INTS2: variants seen among roughly 807,000 people sequenced by gnomAD.
INTS2 encodes the protein integrator complex subunit 2, also known as KIAA1287.
In INTS2, 57 loss-of-function variants were observed where a neutral mutation model predicts 139.6. The ratio of observed to expected loss-of-function variants is 0.41; its 90% CI spans 0.33 to 0.51. The LOEUF (loss-of-function observed/expected upper bound fraction) is 0.51, where lower values mean the gene tolerates loss of function less well. INTS2 is among the 20% of genes least tolerant of loss of function. The pLI is 0.28. For synonymous variants in INTS2, 473 were observed against 493.4 expected (o/e 0.96, Z 0.55); for missense variants, 1,196 against 1,436.7 (o/e 0.83, Z 2.71).
chr17:61,899,860 C>T (rs1039015108), intron 9 of INTS2, among the ~76,000 whole-genome samples: 3 of 151,304 alleles, frequency 2.0e-5, no homozygotes, highest in Non-Finnish European at 4.4e-5. Context: ...TGCAGCGAGC[C>T]CTGATCGTGC....
intron 3 of INTS2, among the ~76,000 whole-genome samples, chr17:61,923,193 C>T (rs2079666046): frequency 6.6e-6 from 1 of 151,520 alleles, no homozygotes; most frequent in Non-Finnish European, 1.5e-5. Flanking sequence ...CTGTCTAAAA[C>T]TCGGCCGGGC....
intron 15 of INTS2, among the ~76,000 whole-genome samples, chr17:61,886,597 T>G (rs2079231169): frequency 6.6e-6 from 1 of 152,236 alleles, no homozygotes. Flanking sequence ...CCACCTTCAG[T>G]GAATCCTCAG....
intron 5 of INTS2, among the ~76,000 whole-genome samples, chr17:61,918,587 A>G (rs1293019061): frequency 6.6e-6 from 1 of 152,172 alleles, no homozygotes; most frequent in Non-Finnish European, 1.5e-5. Flanking sequence ...GTGAATGACA[A>G]AATCAGGAAT....
Position 61,869,461 on chromosome 17 carries a change from A to G in INTS2, c.3031-81T>C. 2 of 1,110,740 alleles carry G rather than the reference A, an allele frequency of 1.8e-6. No homozygotes were observed. Among genetic ancestry groups the G allele is most frequent in the Non-Finnish European group, 2.6e-6 (2 of 766,862 alleles). The allele number at this position is 1,110,740 out of a possible 1,614,324, so 68.8% of individuals were successfully genotyped here. ...GATAAAAATACAAATGAAAGATTTCATTTCCTTTCTGTAAAAATTGCTCAG... is the reference window on the plus strand; with the variant it reads ...GATAAAAATACAAATGAAAGATTTCGTTTCCTTTCTGTAAAAATTGCTCAG... On this transcript the variant is annotated intron_variant, in intron 21 of 24. Coordinates refer to ENST00000251334, the MANE Select transcript of INTS2 (RefSeq NM_001351695.2). This position sits in a 1 kb window ranked among gnomAD's most constrained non-coding sequence, Gnocchi z 5.4.
intron 15 of INTS2, among the ~76,000 whole-genome samples, chr17:61,886,836 G>C (rs1450833302): frequency 6.6e-6 from 1 of 152,124 alleles, no homozygotes; most frequent in Non-Finnish European, 1.5e-5. Flanking sequence ...CTTTTATTAA[G>C]GACAAGAAGT....
rs767708333 is a variant in INTS2 at position 61,897,680 on chromosome 17, GCTT to G, written c.1364_1366del (p.Glu455del). 1.9e-6 allele frequency: 3 copies of G among 1,605,518 alleles called. No individual in the cohort carries two copies. Among genetic ancestry groups the G allele is most frequent in the South Asian group, 2.2e-5 (2 of 89,306 alleles). On this transcript the variant is annotated inframe_deletion, in exon 10 of 25. Transcript: ENST00000251334. The surrounding 1 kb of genome is among the most constrained non-coding windows in gnomAD (Gnocchi z 4.4). ...CAAATTATCTTACCTCTCAAAATACGCTTCTTCTTTTATCATCCAACTTAGCCA... is the reference window on the plus strand; with the variant it reads ...CAAATTATCTTACCTCTCAAAATACGCTTCTTTTATCATCCAACTTAGCCA...
Position 61,867,854 on chromosome 17 carries a change from C to A in INTS2, c.3400G>T (p.Asp1134Tyr). 1 of 1,599,098 alleles carries A rather than the reference C, an allele frequency of 6.3e-7. No individual in the cohort carries two copies. Among genetic ancestry groups the A allele is most frequent in the Non-Finnish European group, 8.5e-7 (1 of 1,175,784 alleles). ...CASDVATQTR[D>Y]IDPIITRLQQ... ...TTACGTGTAATAATTGGATCAATGT[C>A]TCTTGTCTGAGTGGCAACATCAGAG... Residue 1134 changes from aspartate to tyrosine, a missense_variant, in exon 24 of 25, where the codon GAC (aspartate) becomes TAC (tyrosine). Physicochemically the swap from Asp to Tyr is radical, Grantham distance 160. Coordinates refer to ENST00000251334, the MANE Select transcript of INTS2 (RefSeq NM_001351695.2). The surrounding 1 kb of genome is among the most constrained non-coding windows in gnomAD (Gnocchi z 5.6).
At chr17:61,927,573 C>T (rs1248722163) in intron 1 of INTS2, 81 bp downstream of exon 1, 1 of 1,088,202 alleles carries the variant, frequency 9.2e-7, no homozygotes, top group African/African-American at 1.6e-5. Flanking sequence ...ACCAATAAGT[C>T]CCTCAGGCTG....
At chr17:61,890,628 C>T (rs796830763) in intron 14 of INTS2, among the ~76,000 whole-genome samples, 1 of 144,040 alleles carries the variant, frequency 6.9e-6, no homozygotes, top group Non-Finnish European at 1.5e-5. Flanking sequence ...AAAAAAAAAT[C>T]CCCCTAAATG....
rs2079695724 is a variant in INTS2, at chr17:61,925,098, G to A, written c.295C>T (p.His99Tyr). The change falls in exon 3 of 25, where the codon CAT (histidine) becomes TAT (tyrosine). Residue 99 changes from histidine (H) to tyrosine (Y), a missense_variant and splice_region_variant. This residue lies in a region of INTS2 where 1,129 missense variants were observed against 1,341.9 expected (regional missense o/e 0.84). Transcript: ENST00000251334. ...TCTCCACTGCCTCCTCCAAGTTTATGCCTAATGAAGTACAAAACATGTAAC... is the reference window on the plus strand; with the variant it reads ...TCTCCACTGCCTCCTCCAAGTTTATACCTAATGAAGTACAAAACATGTAAC... ...QDASKEQQLR[H>Y]KLGGGSGESI... The A allele has an allele frequency of 6.2e-7, 1 of 1,612,390 alleles. No individual in the cohort carries two copies. The highest frequency in any genetic ancestry group is 8.5e-7 in the Non-Finnish European group (1 of 1,178,750).
chr17:61,913,201 G>A (rs1330778634), intron 5 of INTS2, among the ~76,000 whole-genome samples: 2 of 151,960 alleles, frequency 1.3e-5, no homozygotes, highest in African/African-American at 4.8e-5. Context: ...AGCCAGGCAT[G>A]GGGGCACATG....
intron 8 of INTS2, among the ~76,000 whole-genome samples, chr17:61,905,699 G>A (rs1326135560): frequency 6.6e-6 from 1 of 151,592 alleles, no homozygotes; most frequent in African/African-American, 2.4e-5. Flanking sequence ...TTTTTTTTAT[G>A]TTTTTTGTTT....
Position 61,867,993 on chromosome 17 carries a change from C to T in INTS2, c.3261G>A (p.Lys1087=), listed in dbSNP as rs769472341. ...GTLLTVLTQA[K]RYAFFMPTLP... Reference sequence around the variant, plus strand: ...GAGTTGGCATAAAAAAAGCATACCGCTTAGCCTGTGTTAAAACTGTTGGAA... The same window carrying T: ...GAGTTGGCATAAAAAAAGCATACCGTTTAGCCTGTGTTAAAACTGTTGGAA... The change falls in exon 24 of 25, where the codon AAG becomes AAA. Residue 1087 remains lysine, a synonymous_variant. Coordinates refer to ENST00000251334, the MANE Select transcript of INTS2 (RefSeq NM_001351695.2). This position sits in a 1 kb window ranked among gnomAD's most constrained non-coding sequence, Gnocchi z 5.6. The T allele has an allele frequency of 1.9e-6, 3 of 1,584,558 alleles. No individual in the cohort carries two copies. The highest frequency in any genetic ancestry group is 4.0e-5 in the Admixed American group (2 of 49,822).
At chr17:61,920,201 G>A (rs1333843771) in intron 4 of INTS2, among the ~76,000 whole-genome samples, 9 of 106,418 alleles carry the variant, frequency 8.5e-5, no homozygotes, top group African/African-American at 2.3e-4. Context: ...TTTTTTTTGC[G>A]ACGAAGTCTC....
chr17:61,895,194 T>G lies in INTS2; in HGVS notation c.1563+121A>C. 3 of 605,598 alleles carry G rather than the reference T, an allele frequency of 5.0e-6. No homozygotes were observed. In the South Asian group the frequency reaches 6.5e-5, roughly 13 times the overall value. The allele number at this position is 605,598 out of a possible 1,614,324, so 37.5% of individuals were successfully genotyped here. ...AAGAAAGTTTCAAAGATGAAATAAA[T>G]CATCATGAGTTTAAAAAGAAAAAAG... On this transcript the variant is annotated intron_variant, in intron 12 of 24. Coordinates refer to ENST00000251334, the MANE Select transcript of INTS2 (RefSeq NM_001351695.2).
At position 61,867,455 on chromosome 17, in the gene INTS2, G is replaced by T; in HGVS notation, c.*102C>A. The T allele has an allele frequency of 1.5e-6, 1 of 646,180 alleles. No homozygotes were observed. Among genetic ancestry groups the T allele is most frequent in the Non-Finnish European group, 2.6e-6 (1 of 385,890 alleles). The allele number at this position is 646,180 out of a possible 1,614,324, so 40.0% of individuals were successfully genotyped here. On this transcript the variant is annotated 3_prime_UTR_variant, in exon 25 of 25. Coordinates refer to ENST00000251334, the MANE Select transcript of INTS2 (RefSeq NM_001351695.2). This position sits in a 1 kb window ranked among gnomAD's most constrained non-coding sequence, Gnocchi z 5.6. ...AATTGAATTGTTTTAGTGATTCCAA[G>T]ACAATACTTTACTGTTCCCATTCAG...
At chr17:61,899,433 G>T (rs1416342519) in intron 9 of INTS2, among the ~76,000 whole-genome samples, 2 of 151,934 alleles carry the variant, frequency 1.3e-5, no homozygotes, top group African/African-American at 4.8e-5. Context: ...TATATTTTTA[G>T]TAGAGACGGG....
intron 8 of INTS2, 74 bp from the exon 9 acceptor site, chr17:61,904,659 T>C: frequency 1.5e-6 from 2 of 1,294,974 alleles, no homozygotes; most frequent in Non-Finnish European, 2.1e-6. Flanking sequence ...TTTAACCTTT[T>C]AGTTACAAAT....
Position 61,921,992 on chromosome 17 carries a change from C to T in INTS2, c.433-165G>A, listed in dbSNP as rs143962524. Among the ~76,000 whole-genome samples the T allele has an allele frequency of 2.0e-3, 298 of 152,262 alleles. 1 individual carries two copies. Among genetic ancestry groups the T allele is most frequent in the African/African-American group, 6.9e-3 (286 of 41,554 alleles). Reference sequence around the variant, plus strand: ...ATCAATTTCAACCAATTTAACCACACACAGCAGTCATGTTAATTATTATTC... The same window carrying T: ...ATCAATTTCAACCAATTTAACCACATACAGCAGTCATGTTAATTATTATTC... On this transcript the variant is annotated intron_variant, in intron 3 of 24. Transcript: ENST00000251334.
Sources: gnomAD v4.1 joint callset for allele counts (sites outside exome capture counted in the v4.1 genomes callset) on GRCh38, gnomAD v4.1.1 for gene constraint, gnomAD v4.1.1 regional missense constraint, Gnocchi (gnomAD v3.1) non-coding constraint, MANE v1.5 for transcripts, NCBI Gene and HGNC (gene_info 2026-07-23, HGNC 2026-07-21) for gene names.